Variants in DICER1 observed in about 807,000 individuals in gnomAD.
DICER1 encodes dicer 1, ribonuclease III.
DICER1 carries 43 observed loss-of-function variants against 194.1 expected under a neutral mutation model. The observed-to-expected ratio is 0.22, with a 90% CI of 0.17 to 0.29. The LOEUF (loss-of-function observed/expected upper bound fraction) is 0.29. Among genes scored for constraint, DICER1 ranks in the 10% least tolerant of loss-of-function variants. DICER1 has a pLI of 1.00. For missense variants in DICER1, 1,608 were observed against 2,317.0 expected (o/e 0.69, Z 6.28); for synonymous variants, 832 against 820.5 (o/e 1.01, Z -0.24).
At position 95,124,255 on chromosome 14, in the gene DICER1, G is replaced by T. The variant is rs528592903; in HGVS notation, c.1317C>A (p.Thr439=). The change falls in exon 8 of 27, where the codon ACC becomes ACA. Residue 439 remains threonine (T), a synonymous_variant. Coordinates refer to ENST00000343455, the MANE Select transcript of DICER1 (RefSeq NM_177438.3). The surrounding 1 kb of genome is among the most constrained non-coding windows in gnomAD (Gnocchi z 4.5). ...CAAAAATAATTCCGCACAAAATGTT[G>T]GTAAAAGGAGAAGGAAAATTTGTCT... The part of the protein sequence containing the change: ...KPETNFPSPF[T]NILCGIIFVE... The T allele has an allele frequency of 3.7e-6, 6 of 1,613,820 alleles. No individual in the cohort carries two copies. Among genetic ancestry groups the T allele is most frequent in the Non-Finnish European group, 5.1e-6 (6 of 1,179,990 alleles).
chr14:95,127,792 A>G (rs967291054), intron 6 of DICER1, among the ~76,000 whole-genome samples: 13 of 152,356 alleles, frequency 8.5e-5, no homozygotes, highest in African/African-American at 2.9e-4. Context: ...AATTTTGCCA[A>G]TAGATTTCAT....
In DICER1 at chr14:95,103,725, C is replaced by G; in HGVS notation, c.3671G>C (p.Ser1224Thr). Residue 1224 changes from serine (S) to threonine (T), a missense_variant, in exon 21 of 27, where the codon AGT becomes ACT. By Grantham distance (58) the Ser-to-Thr change is moderately conservative. Transcript: ENST00000343455. ...GCTGGGCTGGGGCTGGTTCTCGTAACTGTATAAATTCTGAATGGAATATGA... is the reference window on the plus strand; with the variant it reads ...GCTGGGCTGGGGCTGGTTCTCGTAAGTGTATAAATTCTGAATGGAATATGA... ...TTSYSIQNLYSYENQPQPSDE... is the reference protein window; with the variant it reads ...TTSYSIQNLYTYENQPQPSDE... 1 of 1,614,158 alleles carries G rather than the reference C, an allele frequency of 6.2e-7. No homozygotes were observed. Among genetic ancestry groups the G allele is most frequent in the Non-Finnish European group, 8.5e-7 (1 of 1,180,038 alleles).
At chr14:95,112,992 A>G in intron 12 of DICER1, 100 bp downstream of exon 12, 4 of 1,317,306 alleles carry the variant, frequency 3.0e-6, no homozygotes, top group Non-Finnish European at 4.4e-6. Flanking sequence ...GTAGATTTTA[A>G]AATCAAATTT....
At chr14:95,150,202 G>A (rs531720795) in intron 1 of DICER1, among the ~76,000 whole-genome samples, 3 of 152,294 alleles carry the variant, frequency 2.0e-5, no homozygotes, top group African/African-American at 7.2e-5. Context: ...GTATTTTGTA[G>A]GCCGGGCACG....
In DICER1 at chr14:95,132,520, T is replaced by G. The variant is rs1754245835; in HGVS notation, c.302A>C (p.Asn101Thr). 6.2e-7 allele frequency: 1 copy of G among 1,613,810 alleles called. No homozygotes were observed. The highest frequency in any genetic ancestry group is 1.1e-5 in the South Asian group (1 of 91,082). Residue 101 changes from asparagine (N) to threonine (T), a missense_variant, in exon 3 of 27, where the codon AAC becomes ACC. Physicochemically the swap from Asn to Thr is moderately conservative, Grantham distance 65. Coordinates refer to ENST00000343455, the MANE Select transcript of DICER1 (RefSeq NM_177438.3). ...ATAAAATAATTTTTTATTACCAGAG[T>G]TGACCAAGAACACCGTCCTTTTTCC... ...RNGKRTVFLV[N>T]SANQVAQQVS...
chr14:95,147,449 A>G (rs1181201253), intron 1 of DICER1, among the ~76,000 whole-genome samples: 1 of 152,214 alleles, frequency 6.6e-6, no homozygotes, highest in Non-Finnish European at 1.5e-5. Flanking sequence ...CCCTGTCTCT[A>G]GAATGAATGA....
intron 24 of DICER1, among the ~76,000 whole-genome samples, chr14:95,093,298 T>C (rs566794896): frequency 6.6e-5 from 10 of 152,306 alleles, no homozygotes; most frequent in African/African-American, 2.4e-4. Context: ...CTAAGCAATA[T>C]CCTTTCCTAC....
chr14:95,129,912 ATTAAT>A (rs1230098633), intron 5 of DICER1, 141 bp downstream of exon 5: 14 of 728,194 alleles, frequency 1.9e-5, no homozygotes, highest in South Asian at 1.3e-4. Context: ...TTAAATGAAC[ATTAAT>A]TTAATATTCA....
chr14:95,140,265 G>A (rs1273634795), intron 1 of DICER1, among the ~76,000 whole-genome samples: 1 of 152,074 alleles, frequency 6.6e-6, no homozygotes, highest in Non-Finnish European at 1.5e-5. Flanking sequence ...CAATAACAAT[G>A]TTTTAGAGAC....
At position 95,090,534 on chromosome 14, in the gene DICER1, G is replaced by A. The variant is rs1442545272; in HGVS notation, c.5733C>T (p.Ser1911=). 6.2e-7 allele frequency: 1 copy of A among 1,614,070 alleles called. No individual in the cohort carries two copies. Among genetic ancestry groups the A allele is most frequent in the Non-Finnish European group, 8.5e-7 (1 of 1,180,010 alleles). The change falls in exon 27 of 27, where the codon AGC becomes AGT. Residue 1911 remains serine (S), a synonymous_variant. Coordinates refer to ENST00000343455, the MANE Select transcript of DICER1 (RefSeq NM_177438.3). ...GAACCTGAGGTTGATTAGCTTTGAG[G>A]CTTCGGAGGGCTCTTCTTGCTGCTG... ...KSAAARRALR[S]LKANQPQVPN... is the part of the protein sequence containing the mutation.
At chr14:95,130,017 T>G (rs182038070) in intron 5 of DICER1, 41 bp downstream of exon 5, 78 of 1,595,726 alleles carry the variant, frequency 4.9e-5, no homozygotes, top group Non-Finnish European at 6.3e-5. Flanking sequence ...ATTTACTCAA[T>G]AGTTTACCAA....
At chr14:95,110,040 A>C (rs1891814763) in intron 14 of DICER1, among the ~76,000 whole-genome samples, 1 of 152,230 alleles carries the variant, frequency 6.6e-6, no homozygotes, top group African/African-American at 2.4e-5. Context: ...GTTCTTAGAA[A>C]CTGGCTAAGG....
chr14:95,155,816 GTTTTT>G (rs529697989), intron 1 of DICER1, among the ~76,000 whole-genome samples: 4 of 151,948 alleles, frequency 2.6e-5, no homozygotes, highest in Admixed American at 2.6e-4. Flanking sequence ...TTAGTTTTTT[GTTTTT>G]TTATCTATTG....
chr14:95,136,547 G>C (rs1432341008), intron 1 of DICER1: 1 of 152,142 alleles, frequency 6.6e-6, no homozygotes, highest in African/African-American at 2.4e-5. Flanking sequence ...GTCTCACTAT[G>C]CTGCCTAGGC....
At position 95,131,541 on chromosome 14, in the gene DICER1, C is replaced by G. The variant is rs768445477; in HGVS notation, c.406G>C (p.Glu136Gln). 2.0e-5 allele frequency: 33 copies of G among 1,613,552 alleles called. No homozygotes were observed. The South Asian group carries it at 3.5e-4, about 17-fold the overall frequency. ...NLEVNASWTK[E>Q]RWNQEFTKHQ... ...TTAGTAAACTCTTGGTTCCATCTCT[C>G]TTTTGTCCAAGATGCATTTACTTCT... The change falls in exon 4 of 27, where the codon GAG (glutamate) becomes CAG (glutamine). Residue 136 changes from glutamate to glutamine, a missense_variant. By Grantham distance (29) the Glu-to-Gln change is conservative. This residue lies in a region of DICER1 where 657 missense variants were observed against 910.1 expected (regional missense o/e 0.72). Coordinates refer to ENST00000343455, the MANE Select transcript of DICER1 (RefSeq NM_177438.3).
chr14:95,128,877 T>C lies in DICER1; in HGVS notation c.734+595A>G, dbSNP rs150702705. Among the ~76,000 whole-genome samples, 26 of 152,340 alleles carry C rather than the reference T, an allele frequency of 1.7e-4. 1 individual carries two copies. In the East Asian group the frequency reaches 5.0e-3, roughly 29 times the overall value. On this transcript the variant is annotated intron_variant, in intron 6 of 26. Transcript: ENST00000343455. Reference sequence around the variant, plus strand: ...TTTGACATAAATCGAATTCATTGCATTTGAAAAGCCATTTTCCTAATTTGT... The same window carrying C: ...TTTGACATAAATCGAATTCATTGCACTTGAAAAGCCATTTTCCTAATTTGT...
At position 95,130,142 on chromosome 14, in the gene DICER1, G is replaced by A; in HGVS notation, c.489C>T (p.Tyr163=). 1.2e-6 allele frequency: 2 copies of A among 1,613,162 alleles called. No homozygotes were observed. The highest frequency in any genetic ancestry group is 1.7e-6 in the Non-Finnish European group (2 of 1,179,468). Residue 163 remains tyrosine, a synonymous_variant, in exon 5 of 27, where the codon TAC becomes TAT. Transcript: ENST00000343455. ...AAAGGTTAATGTCTGACAGTGATAAGTAACCATTTTTCAAAACATTCAAGG... is the reference window on the plus strand; with the variant it reads ...AAAGGTTAATGTCTGACAGTGATAAATAACCATTTTTCAAAACATTCAAGG... ...YVALNVLKNG[Y]LSLSDINLLV...
chr14:95,103,412 G>T lies in DICER1; in HGVS notation c.3984C>A (p.Thr1328=). The T allele has an allele frequency of 6.2e-7, 1 of 1,614,198 alleles. No homozygotes were observed. Among genetic ancestry groups the T allele is most frequent in the Non-Finnish European group, 8.5e-7 (1 of 1,180,028 alleles). Residue 1328 remains threonine, a synonymous_variant, in exon 21 of 27, where the codon ACC becomes ACA. Coordinates refer to ENST00000343455, the MANE Select transcript of DICER1 (RefSeq NM_177438.3). ...CAGGGTAAGTGCAAAATAGATATGT[G>T]GTGATGGCATGCTTTAAAAAGGAGT... ...LGDSFLKHAI[T]TYLFCTYPDA...
At chr14:95,150,091 T>G (rs1207622255) in intron 1 of DICER1, among the ~76,000 whole-genome samples, 1 of 152,234 alleles carries the variant, frequency 6.6e-6, no homozygotes, top group African/African-American at 2.4e-5. Context: ...CTTGAAGATG[T>G]TTCAGAAACA....
Sources: gnomAD v4.1 joint callset for allele counts (sites outside exome capture counted in the v4.1 genomes callset) on GRCh38, gnomAD v4.1.1 for gene constraint, gnomAD v4.1.1 regional missense constraint, Gnocchi (gnomAD v3.1) non-coding constraint, MANE v1.5 for transcripts, NCBI Gene and HGNC (gene_info 2026-07-23, HGNC 2026-07-21) for gene names.